TNFRSF1B: variants seen among roughly 807,000 people sequenced by gnomAD.
TNFRSF1B encodes the protein tumor necrosis factor receptor superfamily member 1B.
In TNFRSF1B, 19 loss-of-function variants were observed where a neutral mutation model predicts 44.6. That is an observed-to-expected ratio of 0.43 (90% CI 0.30 to 0.62). TNFRSF1B has a LOEUF of 0.62. Among genes scored for constraint, TNFRSF1B ranks in the 20% least tolerant of loss-of-function variants. The pLI is 0.16. For synonymous variants in TNFRSF1B, 252 were observed against 261.1 expected (o/e 0.97, Z 0.34); for missense variants, 541 against 619.9 (o/e 0.87, Z 1.35).
intron 1 of TNFRSF1B, among the ~76,000 whole-genome samples, chr1:12,184,250 C>G (rs1193503322): frequency 6.6e-6 from 1 of 152,244 alleles, no homozygotes; most frequent in Non-Finnish European, 1.5e-5. Flanking sequence ...CAGCCCCCTG[C>G]TCCTGGGGAC....
intron 8 of TNFRSF1B, among the ~76,000 whole-genome samples, chr1:12,196,098 C>G (rs1343825830): frequency 6.6e-6 from 1 of 152,092 alleles, no homozygotes; most frequent in Non-Finnish European, 1.5e-5. Flanking sequence ...GTCAGGAGTT[C>G]AAGACTAGTC....
rs139221787 is a variant in TNFRSF1B at position 12,188,890 on chromosome 1, C to G, written c.173C>G (p.Ser58Trp). Residue 58 changes from serine (S) to tryptophan (W), a missense_variant, in exon 2 of 10, where the codon TCG (serine) becomes TGG (tryptophan). By Grantham distance (177) the Ser-to-Trp change is radical (BLOSUM62 -3). Transcript: ENST00000376259. ...GCTCAGATGTGCTGCAGCAAATGCT[C>G]GCCGGGTGAGGGCAGCCACGGGGGC... Reference protein sequence around the residue: ...QTAQMCCSKCSPGQHAKVFCT... With the variant: ...QTAQMCCSKCWPGQHAKVFCT... The G allele has an allele frequency of 6.2e-7, 1 of 1,612,890 alleles. No homozygotes were observed. Among genetic ancestry groups the G allele is most frequent in the Non-Finnish European group, 8.5e-7 (1 of 1,179,662 alleles).
intron 1 of TNFRSF1B, among the ~76,000 whole-genome samples, chr1:12,175,315 G>C (rs1417466825): frequency 6.6e-6 from 1 of 152,218 alleles, no homozygotes; most frequent in Non-Finnish European, 1.5e-5. Flanking sequence ...GCTGTCACTT[G>C]AGATTAGCAA....
At position 12,168,974 on chromosome 1, in the gene TNFRSF1B, TC is replaced by T. The variant is rs17882580; in HGVS notation, c.78+1810del. On this transcript the variant is annotated intron_variant, in intron 1 of 9. Coordinates refer to ENST00000376259, the MANE Select transcript of TNFRSF1B (RefSeq NM_001066.3). The surrounding 1 kb of genome is among the most constrained non-coding windows in gnomAD (Gnocchi z 4.7). ...TCCTCGCGCCTCCCTGCACATGTGC[TC>T]CCCCGCCTCTGTAGAACTGATGATG... is the stretch of plus-strand genomic sequence containing the variant. Among the ~76,000 whole-genome samples the T allele has an allele frequency of 0.035, 5,249 of 152,024 alleles. 314 individuals are homozygous for T. The highest frequency in any genetic ancestry group is 0.12 in the African/African-American group (4,806 of 41,422).
At chr1:12,183,768 GCTAT>G (rs1553163467) in intron 1 of TNFRSF1B, among the ~76,000 whole-genome samples, 2 of 117,522 alleles carry the variant, frequency 1.7e-5, no homozygotes, top group South Asian at 2.9e-4. Flanking sequence ...TAGCTAGCTA[GCTAT>G]CTATTCTATC....
intron 8 of TNFRSF1B, among the ~76,000 whole-genome samples, chr1:12,197,877 G>A (rs567237000): frequency 5.3e-5 from 8 of 152,284 alleles, no homozygotes; most frequent in Admixed American, 5.2e-4. Context: ...TGTAATCCCA[G>A]CACTTTGGGA....
Position 12,188,893 on chromosome 1 carries a change from C to T in TNFRSF1B, c.176C>T (p.Pro59Leu), listed in dbSNP as rs140531887. The T allele has an allele frequency of 3.1e-6, 5 of 1,612,662 alleles. No individual in the cohort carries two copies. The highest frequency in any genetic ancestry group is 3.3e-5 in the Admixed American group (2 of 59,944). ...TAQMCCSKCS[P>L]GQHAKVFCTK... is the part of the protein sequence containing the mutation. ...CAGATGTGCTGCAGCAAATGCTCGC[C>T]GGGTGAGGGCAGCCACGGGGGCACT... Residue 59 changes from proline (P) to leucine (L), a missense_variant and splice_region_variant, in exon 2 of 10, where the codon CCG becomes CTG. By Grantham distance (98) the Pro-to-Leu change is moderately conservative. Coordinates refer to ENST00000376259, the MANE Select transcript of TNFRSF1B (RefSeq NM_001066.3).
intron 8 of TNFRSF1B, among the ~76,000 whole-genome samples, chr1:12,197,297 A>G (rs1239965938): frequency 6.6e-6 from 1 of 152,130 alleles, no homozygotes; most frequent in Non-Finnish European, 1.5e-5. Flanking sequence ...GAGTGACTCA[A>G]GTATCTGTTG....
At position 12,180,683 on chromosome 1, in the gene TNFRSF1B, C is replaced by T. The variant is rs534837220; in HGVS notation, c.79-8113C>T. 3.3e-5 allele frequency among the ~76,000 whole-genome samples: 5 copies of T among 152,232 alleles called. No individual in the cohort carries two copies. The highest frequency in any genetic ancestry group is 4.8e-5 in the African/African-American group (2 of 41,544). On this transcript the variant is annotated intron_variant, in intron 1 of 9. Transcript: ENST00000376259. This position sits in a 1 kb window ranked among gnomAD's most constrained non-coding sequence, Gnocchi z 4.3. Reference sequence around the variant, plus strand: ...TCCTGAGTCCTCCAGGGTGAGGGGGCGTGGGGTCAGAAGAGAGGGGACGGT... The same window carrying T: ...TCCTGAGTCCTCCAGGGTGAGGGGGTGTGGGGTCAGAAGAGAGGGGACGGT...
At chr1:12,196,573 T>C (rs912005575) in intron 8 of TNFRSF1B, among the ~76,000 whole-genome samples, 6 of 152,306 alleles carry the variant, frequency 3.9e-5, no homozygotes, top group African/African-American at 1.4e-4. Context: ...ATCAGATAGA[T>C]TGATTTCATC....
At chr1:12,181,389 T>C (rs1483434228) in intron 1 of TNFRSF1B, among the ~76,000 whole-genome samples, 1 of 152,030 alleles carries the variant, frequency 6.6e-6, no homozygotes, top group African/African-American at 2.4e-5. Flanking sequence ...GAGAAGATGA[T>C]GAACCCAAGT....
At chr1:12,191,108 G>T (rs1639108236) in intron 3 of TNFRSF1B, 23 bp downstream of exon 3, 2 of 1,610,624 alleles carry the variant, frequency 1.2e-6, no homozygotes, top group African/African-American at 2.7e-5. Flanking sequence ...AGAGAAAAAG[G>T]GGGCCCTTAC....
rs1044635369 is a variant in TNFRSF1B at position 12,199,084 on chromosome 1, C to T, written c.901-2883C>T. Among the ~76,000 whole-genome samples, 2 of 152,110 alleles carry T rather than the reference C, an allele frequency of 1.3e-5. No homozygotes were observed. The highest frequency in any genetic ancestry group is 4.8e-5 in the African/African-American group (2 of 41,426). Reference sequence around the variant, plus strand: ...TAGGACTCAGCCTGCTTCTGTGCCACCTGGGGCTGCTTGAACTTTGCGACT... The same window carrying T: ...TAGGACTCAGCCTGCTTCTGTGCCATCTGGGGCTGCTTGAACTTTGCGACT... On this transcript the variant is annotated intron_variant, in intron 8 of 9. Coordinates refer to ENST00000376259, the MANE Select transcript of TNFRSF1B (RefSeq NM_001066.3). The surrounding 1 kb of genome is among the most constrained non-coding windows in gnomAD (Gnocchi z 4.0).
Position 12,178,679 on chromosome 1 carries a change from C to T in TNFRSF1B, c.79-10117C>T, listed in dbSNP as rs992822277. Among the ~76,000 whole-genome samples the T allele has an allele frequency of 1.7e-4, 26 of 151,988 alleles. No homozygotes were observed. The highest frequency in any genetic ancestry group is 4.1e-4 in the African/African-American group (17 of 41,356). The stretch of plus-strand genomic sequence containing the variant: ...AGCTGAGAAGTCAGCACTGCCAGGT[C>T]GGGGGTGGCGGGTCAGGACGTTTGG... On this transcript the variant is annotated intron_variant, in intron 1 of 9. Transcript: ENST00000376259. The surrounding 1 kb of genome is among the most constrained non-coding windows in gnomAD (Gnocchi z 4.3).
chr1:12,194,850 G>A (rs1458397584), intron 8 of TNFRSF1B, among the ~76,000 whole-genome samples: 1 of 152,218 alleles, frequency 6.6e-6, no homozygotes, highest in Non-Finnish European at 1.5e-5. Flanking sequence ...GGCGTTCGTG[G>A]CAGGCACGTG....
chr1:12,187,327 A>G lies in TNFRSF1B; in HGVS notation c.79-1469A>G, dbSNP rs542226790. Among the ~76,000 whole-genome samples, 9 of 152,066 alleles carry G rather than the reference A, an allele frequency of 5.9e-5. No individual in the cohort carries two copies. The South Asian group carries it at 1.7e-3, about 28-fold the overall frequency. On this transcript the variant is annotated intron_variant, in intron 1 of 9. Coordinates refer to ENST00000376259, the MANE Select transcript of TNFRSF1B (RefSeq NM_001066.3). The surrounding 1 kb of genome is among the most constrained non-coding windows in gnomAD (Gnocchi z 5.5). ...CGCCACTATGCCGGGATAATTTTGT[A>G]TTTTTAGTAGAGACAGGGTTTTGCC...
At chr1:12,206,042 G>A (rs1639495538) in intron 9 of TNFRSF1B, among the ~76,000 whole-genome samples, 1 of 152,156 alleles carries the variant, frequency 6.6e-6, no homozygotes, top group Admixed American at 6.6e-5. Flanking sequence ...GCAGCAATGG[G>A]AACTGTGATG....
chr1:12,206,664 T>C, intron 9 of TNFRSF1B, 76 bp from the exon 10 acceptor site: 1 of 1,458,238 alleles, frequency 6.9e-7, no homozygotes, highest in Non-Finnish European at 9.2e-7. Flanking sequence ...TGTCTGAATC[T>C]GCATCTTGGG....
At chr1:12,167,962 C>A (rs1638433864) in intron 1 of TNFRSF1B, among the ~76,000 whole-genome samples, 1 of 152,238 alleles carries the variant, frequency 6.6e-6, no homozygotes, top group Non-Finnish European at 1.5e-5. Context: ...GGACTGTGCA[C>A]CCTTTGCCTG....
Sources: allele counts gnomAD v4.1 joint callset (sites outside exome capture counted in the v4.1 genomes callset), GRCh38; gene constraint gnomAD v4.1.1; non-coding constraint Gnocchi (gnomAD v3.1); transcripts MANE v1.5; gene names NCBI Gene and HGNC (gene_info 2026-07-23, HGNC 2026-07-21).